VANGL2: variants seen among roughly 807,000 people sequenced by gnomAD.
VANGL2 encodes VANGL planar cell polarity protein 2, also known as vang-like protein 2.
VANGL2 carries 14 observed loss-of-function variants against 50.2 expected under a neutral mutation model. The observed-to-expected ratio is 0.28, with a 90% CI of 0.18 to 0.44. The LOEUF (loss-of-function observed/expected upper bound fraction) is 0.44, where lower values mean the gene tolerates loss of function less well. VANGL2 is among the 20% of genes least tolerant of loss of function. The pLI is 1.00. For synonymous variants in VANGL2, 295 were observed against 297.2 expected (o/e 0.99, Z 0.08); for missense variants, 533 against 701.5 (o/e 0.76, Z 2.71).
intron 5 of VANGL2, 46 bp from the exon 6 acceptor site, chr1:160,421,006 G>T: frequency 6.2e-7 from 1 of 1,612,796 alleles, no homozygotes; most frequent in Non-Finnish European, 8.5e-7. Flanking sequence ...TGGGAAGAGA[G>T]GCCACACTCT....
intron 2 of VANGL2, 29 bp from the exon 3 acceptor site, chr1:160,416,033 T>C (rs762056539): frequency 4.9e-5 from 79 of 1,614,060 alleles, no homozygotes; most frequent in Non-Finnish European, 6.5e-5. Flanking sequence ...CACTGGACTT[T>C]CTGTGCCTTT....
rs150258240 is a variant in VANGL2 at position 160,425,222 on chromosome 1, C to T, written c.1410C>T (p.Asn470=). ...WTLVSEEPVT[N]GLKDGIVFLL... is the part of the protein sequence containing the mutation. ...TGGTGAGCGAGGAGCCGGTGACCAA[C>T]GGCCTCAAGGATGGCATCGTTTTCC... The change falls in exon 8 of 8, where the codon AAC becomes AAT. Residue 470 remains asparagine (N), a synonymous_variant. Transcript: ENST00000368061. The T allele has an allele frequency of 1.3e-4, 207 of 1,614,172 alleles. No homozygotes were observed. Among genetic ancestry groups the T allele is most frequent in the Non-Finnish European group, 1.6e-4 (183 of 1,180,024 alleles).
At chr1:160,416,334 T>A in intron 3 of VANGL2, 152 bp downstream of exon 3, 2 of 1,331,390 alleles carry the variant, frequency 1.5e-6, no homozygotes, top group Non-Finnish European at 2.1e-6. Context: ...TAGCTTGGCT[T>A]AGTGTCTTAA....
chr1:160,423,285 G>T (rs887129655), intron 6 of VANGL2, among the ~76,000 whole-genome samples: 6 of 152,008 alleles, frequency 3.9e-5, no homozygotes, highest in Non-Finnish European at 7.4e-5. Flanking sequence ...CATCCAAGTT[G>T]TCTGTACATC....
At chr1:160,405,731 T>C (rs906807226) in intron 1 of VANGL2, among the ~76,000 whole-genome samples, 3 of 150,582 alleles carry the variant, frequency 2.0e-5, no homozygotes, top group Admixed American at 6.6e-5. Context: ...TAGAGGAGAG[T>C]GGGAGGTGAT....
chr1:160,403,075 G>A (rs2101941962), intron 1 of VANGL2, among the ~76,000 whole-genome samples: 1 of 152,166 alleles, frequency 6.6e-6, no homozygotes, highest in African/African-American at 2.4e-5. Flanking sequence ...GGAGATAAGA[G>A]TAGTAGGGGT....
intron 1 of VANGL2, among the ~76,000 whole-genome samples, chr1:160,408,145 A>G (rs1347771377): frequency 6.9e-6 from 1 of 145,794 alleles, no homozygotes; most frequent in Admixed American, 6.8e-5. Flanking sequence ...GGGGGCAGGT[A>G]CCTTCTGGGA....
intron 1 of VANGL2, among the ~76,000 whole-genome samples, chr1:160,408,122 G>T (rs1287881648): frequency 1.3e-5 from 2 of 151,880 alleles, no homozygotes; most frequent in Non-Finnish European, 2.9e-5. Context: ...GTCTGCTTTT[G>T]TGTGCTGTGT....
chr1:160,424,010 AAG>A (rs1651361716), intron 6 of VANGL2, 40 bp from the exon 7 acceptor site: 1 of 1,607,446 alleles, frequency 6.2e-7, no homozygotes, highest in Non-Finnish European at 8.5e-7. Flanking sequence ...GGGTGGGGGA[AAG>A]AGAGGTGGGC....
rs3835478 is a variant in VANGL2 at position 160,403,147 on chromosome 1, CTT to C, written c.-191+2290_-191+2291del. Among the ~76,000 whole-genome samples, 690 of 146,806 alleles carry C rather than the reference CTT, an allele frequency of 4.7e-3. 3 individuals are homozygous for C. The highest frequency in any genetic ancestry group is 0.023 in the East Asian group (116 of 4,988). On this transcript the variant is annotated intron_variant, in intron 1 of 7. Transcript: ENST00000368061. ...GAGTAGGAAAAGACCTTTAAAAGAC[CTT>C]TTTTTTTTTTTAATGGATCATTCCC... is the stretch of plus-strand genomic sequence containing the variant.
At chr1:160,417,334 T>C (rs1017216690) in intron 3 of VANGL2, among the ~76,000 whole-genome samples, 14 of 152,200 alleles carry the variant, frequency 9.2e-5, no homozygotes, top group African/African-American at 3.4e-4. Context: ...ATCCCCAGGC[T>C]GTCCCAGGAG....
In VANGL2 at chr1:160,425,859, A is replaced by G. The variant is rs1202257886; in HGVS notation, c.*481A>G. On this transcript the variant is annotated 3_prime_UTR_variant, in exon 8 of 8. Coordinates refer to ENST00000368061, the MANE Select transcript of VANGL2 (RefSeq NM_020335.3). Reference sequence around the variant, plus strand: ...CCACAGTGCCAAACTCCTCCAGGGCAGCAACTGGCCCTCCTGTCCCTCACC... The same window carrying G: ...CCACAGTGCCAAACTCCTCCAGGGCGGCAACTGGCCCTCCTGTCCCTCACC... 2 of 156,600 alleles carry G rather than the reference A, an allele frequency of 1.3e-5. No individual in the cohort carries two copies. Among genetic ancestry groups the G allele is most frequent in the Admixed American group, 1.2e-4 (2 of 16,268 alleles). The allele number at this position is 156,600 out of a possible 1,614,324, so 9.7% of individuals were successfully genotyped here.
chr1:160,410,595 T>G (rs1316556773), intron 1 of VANGL2, among the ~76,000 whole-genome samples: 1 of 152,092 alleles, frequency 6.6e-6, no homozygotes, highest in Non-Finnish European at 1.5e-5. Flanking sequence ...CTTGCCCACT[T>G]GAGCCGCCTC....
At chr1:160,403,904 T>TTTAAATTC (rs1350429737) in intron 1 of VANGL2, among the ~76,000 whole-genome samples, 1 of 152,262 alleles carries the variant, frequency 6.6e-6, no homozygotes, top group African/African-American at 2.4e-5. Flanking sequence ...AATTCTGGCT[T>TTTAAATTC]TGCCACTGTC....
intron 1 of VANGL2, among the ~76,000 whole-genome samples, chr1:160,406,204 A>T (rs1650653664): frequency 6.6e-6 from 1 of 152,240 alleles, no homozygotes; most frequent in African/African-American, 2.4e-5. Context: ...AGGCTGTGCC[A>T]GGTCTGACTT....
At chr1:160,416,902 C>T (rs1033859137) in intron 3 of VANGL2, among the ~76,000 whole-genome samples, 18 of 152,150 alleles carry the variant, frequency 1.2e-4, no homozygotes, top group Non-Finnish European at 1.5e-4. Context: ...TGGAGATTCC[C>T]AGCTCCTTTT....
chr1:160,421,724 T>C (rs1374956230), intron 6 of VANGL2, among the ~76,000 whole-genome samples: 6 of 152,164 alleles, frequency 3.9e-5, no homozygotes. Context: ...TGTTGTCTAA[T>C]GAGGGGATGG....
chr1:160,421,439 T>C (rs1651270725), intron 6 of VANGL2, among the ~76,000 whole-genome samples: 1 of 152,238 alleles, frequency 6.6e-6, no homozygotes, highest in Non-Finnish European at 1.5e-5. Flanking sequence ...CCTCACAGGC[T>C]GAAATCAAGA....
intron 6 of VANGL2, among the ~76,000 whole-genome samples, chr1:160,421,639 C>T (rs567865544): frequency 6.6e-6 from 1 of 152,172 alleles, no homozygotes; most frequent in Non-Finnish European, 1.5e-5. Flanking sequence ...GTGATGAGAT[C>T]AGGCCCTAAA....
Sources: allele counts gnomAD v4.1 joint callset (sites outside exome capture counted in the v4.1 genomes callset), GRCh38; gene constraint gnomAD v4.1.1; transcripts MANE v1.5; gene names NCBI Gene and HGNC (gene_info 2026-07-23, HGNC 2026-07-21).